Variants in SGO1 observed in about 807,000 individuals in gnomAD.
SGO1 encodes the protein serologically defined breast cancer antigen NY-BR-85.
SGO1 carries 39 observed loss-of-function variants against 50.5 expected under a neutral mutation model. The ratio of observed to expected loss-of-function variants is 0.77; its 90% CI spans 0.60 to 1.01. SGO1 has a LOEUF of 1.01. SGO1 is among the 50% of genes least tolerant of loss of function. SGO1 has a pLI of 0.00. For missense variants in SGO1, 638 were observed against 606.0 expected, an observed-to-expected ratio of 1.05 and a Z score of -0.55; for synonymous variants, 191 against 205.1, an observed-to-expected ratio of 0.93 and a Z score of 0.59.
At position 20,161,490 on chromosome 3, in the gene SGO1, T is replaced by C. The variant is rs557740900; in HGVS notation, c.1565-264A>G. Among the ~76,000 whole-genome samples the C allele has an allele frequency of 5.3e-5, 8 of 152,266 alleles. No individual in the cohort carries two copies. The East Asian group carries it at 9.6e-4, about 18-fold the overall frequency. On this transcript the variant is annotated intron_variant, in intron 8 of 8. Transcript: ENST00000263753. ...AGGATAGAATGAGTGAACTGGAAGA[T>C]AGAACTGACGAAATGATATGGAAAG...
exon 9 of SGO1, chr3:20,161,098 G>A (rs745922614): frequency 4.3e-6 from 7 of 1,613,586 alleles, no homozygotes; most frequent in East Asian, 2.2e-5. Flanking sequence ...TGTGAAGCCC[G>A]TGGACTTTAC....
In SGO1 at chr3:20,174,664, T is replaced by C; in HGVS notation, c.867A>G (p.Glu289=). The C allele has an allele frequency of 6.2e-7, 1 of 1,606,698 alleles. No individual in the cohort carries two copies. The highest frequency in any genetic ancestry group is 1.1e-5 in the South Asian group (1 of 89,130). ...CTTTTCTTTTCTCTTCTCTTTTTCT[T>C]TCTTGTGTATCTCTTTGCTTACTTT... ...QTKSKQRDTQ[E]RKREEKRKAN... is the part of the protein sequence containing the mutation. The change falls in exon 6 of 8, where the codon GAA becomes GAG. Residue 289 remains glutamate (E), a synonymous_variant. Coordinates refer to ENST00000412997, the MANE Select transcript of SGO1 (RefSeq NM_001199251.3).
chr3:20,174,551 T>G lies in SGO1; in HGVS notation c.980A>C (p.Lys327Thr). ...GTAAGCATCATTGGAACTGACAGATTTGTGCATTTTTTTTTGGGGAACAGT... is the reference window on the plus strand; with the variant it reads ...GTAAGCATCATTGGAACTGACAGATGTGTGCATTTTTTTTTGGGGAACAGT... Reference protein sequence around the residue: ...KKTVPQKKMHKSVSSNDAYNF... With the variant: ...KKTVPQKKMHTSVSSNDAYNF... Residue 327 changes from lysine to threonine, a missense_variant, in exon 6 of 8, where the codon AAA becomes ACA. Physicochemically the swap from Lys to Thr is moderately conservative, Grantham distance 78. Coordinates refer to ENST00000412997, the MANE Select transcript of SGO1 (RefSeq NM_001199251.3). 1 of 1,608,664 alleles carries G rather than the reference T, an allele frequency of 6.2e-7. No homozygotes were observed. Among genetic ancestry groups the G allele is most frequent in the Non-Finnish European group, 8.5e-7 (1 of 1,178,700 alleles).
intron 6 of SGO1, among the ~76,000 whole-genome samples, chr3:20,172,929 G>A (rs1293678434): frequency 1.3e-5 from 2 of 151,932 alleles, no homozygotes; most frequent in Non-Finnish European, 2.9e-5. Flanking sequence ...CAGTGCCACT[G>A]CCCTCCAGCC....
downstream of SGO1, chr3:20,169,382 G>A (rs1308072019): frequency 3.0e-6 from 3 of 984,620 alleles, no homozygotes; most frequent in Non-Finnish European, 3.6e-6. Flanking sequence ...TCAAAAAAGA[G>A]AATACCAAGG....
Position 20,178,291 on chromosome 3 carries a change from AT to A in SGO1, c.395del (p.Asn132IlefsTer4), listed in dbSNP as rs1213350009. 5.6e-6 allele frequency: 9 copies of A among 1,611,970 alleles called. No individual in the cohort carries two copies. Among genetic ancestry groups the A allele is most frequent in the Non-Finnish European group, 7.6e-6 (9 of 1,178,374 alleles). ...MDPNSDDSSR[N>X]LFVKDLPQIP... ...CTAACGGTAAATCCTTCACAAATAA[AT>A]TTCTGGAGCTGTCATCACTATTGGG... On this transcript the variant is annotated frameshift_variant, in exon 4 of 8. Transcript: ENST00000412997. LOFTEE classifies it high-confidence loss of function.
chr3:20,163,972 C>T (rs1013243825), intron 8 of SGO1, among the ~76,000 whole-genome samples: 10 of 152,036 alleles, frequency 6.6e-5, no homozygotes, highest in African/African-American at 2.4e-4. Context: ...AAACAAAAGT[C>T]CTAGCACAAA....
chr3:20,178,872 T>C (rs1050880725), intron 3 of SGO1, among the ~76,000 whole-genome samples: 6 of 152,126 alleles, frequency 3.9e-5, no homozygotes, highest in African/African-American at 1.4e-4. Flanking sequence ...TGAGTTTAGA[T>C]TTTAGTCTAA....
chr3:20,166,505 T>G (rs565264379), downstream of SGO1, among the ~76,000 whole-genome samples: 1 of 152,248 alleles, frequency 6.6e-6, no homozygotes, highest in East Asian at 1.9e-4. Flanking sequence ...ATGATTCCAT[T>G]TCTGTGAGGT....
intron 3 of SGO1, 123 bp from the exon 4 acceptor site, chr3:20,178,470 G>A (rs1473257979): frequency 8.4e-6 from 6 of 710,664 alleles, no homozygotes; most frequent in African/African-American, 1.8e-5. Flanking sequence ...TCTAGGAACT[G>A]AGACTATAAC....
intron 3 of SGO1, among the ~76,000 whole-genome samples, chr3:20,183,076 T>C (rs1343170554): frequency 6.6e-6 from 1 of 152,118 alleles, no homozygotes; most frequent in African/African-American, 2.4e-5. Flanking sequence ...TGGGAGTTAA[T>C]AGTCTTCTCT....
chr3:20,164,941 C>A (rs868731172), downstream of SGO1, among the ~76,000 whole-genome samples: 7 of 152,036 alleles, frequency 4.6e-5, no homozygotes, highest in South Asian at 8.3e-4. Context: ...GGAATGAGGG[C>A]AAAATTGAAT....
In SGO1 at chr3:20,183,322, A is replaced by G. The variant is rs574522062; in HGVS notation, c.339+286T>C. ...CTATCTTTGACTCACTTAGTTGAAC[A>G]TTCAAATGGACCAGCAATGCAAAAG... On this transcript the variant is annotated intron_variant, in intron 3 of 7. Transcript: ENST00000412997. Among the ~76,000 whole-genome samples, 41 of 152,362 alleles carry G rather than the reference A, an allele frequency of 2.7e-4. 1 individual carries two copies. In the South Asian group the frequency reaches 8.5e-3, roughly 32 times the overall value.
chr3:20,181,195 A>ATATT, intron 3 of SGO1, among the ~76,000 whole-genome samples: 1 of 152,210 alleles, frequency 6.6e-6, no homozygotes, highest in Non-Finnish European at 1.5e-5. Flanking sequence ...TTTAAATTTG[A>ATATT]CATGAATATA....
chr3:20,172,485 G>C (rs1355066141), intron 6 of SGO1, among the ~76,000 whole-genome samples: 1 of 124,640 alleles, frequency 8.0e-6, no homozygotes, highest in Non-Finnish European at 1.6e-5. Flanking sequence ...TGGGCAACAA[G>C]AGTGAAACTC....
chr3:20,179,479 T>C (rs1701767353), intron 3 of SGO1, among the ~76,000 whole-genome samples: 1 of 151,840 alleles, frequency 6.6e-6, no homozygotes, highest in South Asian at 2.1e-4. Flanking sequence ...AGCTGAAGTG[T>C]AGTGGTGCTA....
At chr3:20,164,432 G>T (rs1342726331) in intron 8 of SGO1, among the ~76,000 whole-genome samples, 1 of 152,062 alleles carries the variant, frequency 6.6e-6, no homozygotes, top group African/African-American at 2.4e-5. Context: ...ACAAGGAAAT[G>T]TCTTTAGTCT....
chr3:20,163,728 C>T (rs923765588), intron 8 of SGO1, among the ~76,000 whole-genome samples: 3 of 151,752 alleles, frequency 2.0e-5, no homozygotes, highest in South Asian at 2.1e-4. Flanking sequence ...TTGGGGCAAA[C>T]GGGAAAAAGG....
Position 20,170,067 on chromosome 3 carries a change from T to C in SGO1, c.*637A>G. ...ATGCCAGAAGCTTATAATTAAAAGA[T>C]CTTATTTGAGTAATCATTATTCATT... On this transcript the variant is annotated 3_prime_UTR_variant, in exon 8 of 8. Transcript: ENST00000412997. The C allele has an allele frequency of 1.0e-6, 1 of 985,204 alleles. No individual in the cohort carries two copies. The highest frequency in any genetic ancestry group is 1.2e-6 in the Non-Finnish European group (1 of 829,750). 61.0% of individuals were successfully genotyped at this position (985,204 alleles called of 1,614,324 possible). A position where few individuals can be genotyped will look rare whatever the true frequency, so the allele number is the denominator to read the frequency against.
Sources: gnomAD v4.1 joint callset for allele counts (sites outside exome capture counted in the v4.1 genomes callset) on GRCh38, gnomAD v4.1.1 for gene constraint, MANE v1.5 for transcripts, NCBI Gene and HGNC (gene_info 2026-07-23, HGNC 2026-07-21) for gene names.